The following CNTNAP4 variants were observed in gnomAD, a reference collection of about 807,000 sequenced individuals.
CNTNAP4 encodes contactin-associated protein-like 4.
Under a neutral mutation model 148.4 loss-of-function variants are expected in CNTNAP4, and 98 were observed. The ratio of observed to expected loss-of-function variants is 0.66; its 90% confidence interval spans 0.56 to 0.78. CNTNAP4 has a LOEUF of 0.78. Among genes scored for constraint, CNTNAP4 ranks in the 30% least tolerant of loss-of-function variants. The pLI is 0.00. For synonymous variants in CNTNAP4, 730 were observed against 565.1 expected, an observed-to-expected ratio of 1.29 and a Z score of -4.14; for missense variants, 1,935 against 1,565.6, an observed-to-expected ratio of 1.24 and a Z score of -3.98.
intron 14 of CNTNAP4, among the ~76,000 whole-genome samples, chr16:76,498,002 C>A (rs982902778): frequency 5.9e-5 from 9 of 152,030 alleles, no homozygotes; most frequent in African/African-American, 1.9e-4. Context: ...GAAAATTGTC[C>A]ATTGAATTAA....
intron 3 of CNTNAP4, among the ~76,000 whole-genome samples, chr16:76,394,551 A>G (rs1038817094): frequency 9.2e-5 from 14 of 152,218 alleles, no homozygotes; most frequent in African/African-American, 3.4e-4. Flanking sequence ...TGATGGGATT[A>G]TGAGTAGGCT....
intron 8 of CNTNAP4, among the ~76,000 whole-genome samples, chr16:76,460,490 G>C (rs1379192577): frequency 6.7e-6 from 1 of 149,958 alleles, no homozygotes; most frequent in Admixed American, 6.6e-5. Context: ...GGCCAGGCGC[G>C]GTGGCTCACG....
intron 3 of CNTNAP4, among the ~76,000 whole-genome samples, chr16:76,409,890 A>G (rs987346858): frequency 1.3e-5 from 2 of 151,912 alleles, no homozygotes; most frequent in Non-Finnish European, 2.9e-5. Flanking sequence ...TAATCACTAT[A>G]CAACACAACA....
chr16:76,472,675 G>T (rs1242306397), intron 10 of CNTNAP4, among the ~76,000 whole-genome samples: 2 of 152,122 alleles, frequency 1.3e-5, no homozygotes, highest in Non-Finnish European at 2.9e-5. Context: ...ATTTTAGGTT[G>T]ATTCCATCTC....
At chr16:76,516,192 G>A (rs1328735917) in intron 15 of CNTNAP4, among the ~76,000 whole-genome samples, 3 of 151,114 alleles carry the variant, frequency 2.0e-5, no homozygotes, top group Non-Finnish European at 4.4e-5. Context: ...AACATGTGGT[G>A]TTTGGTTTTC....
chr16:76,373,199 G>A (rs2015037951), intron 3 of CNTNAP4, among the ~76,000 whole-genome samples: 1 of 149,928 alleles, frequency 6.7e-6, no homozygotes, highest in Non-Finnish European at 1.5e-5. Flanking sequence ...ACATAAATAG[G>A]TGAATATATT....
At chr16:76,520,305 A>AT (rs1424586126) in intron 15 of CNTNAP4, among the ~76,000 whole-genome samples, 2 of 152,166 alleles carry the variant, frequency 1.3e-5, no homozygotes, top group East Asian at 3.9e-4. Context: ...ATGGTTCATA[A>AT]TATTTTTTCG....
At chr16:76,437,975 A>G (rs1221849721) in intron 4 of CNTNAP4, among the ~76,000 whole-genome samples, 1 of 152,174 alleles carries the variant, frequency 6.6e-6, no homozygotes, top group Non-Finnish European at 1.5e-5. Context: ...AGCCTGCTTC[A>G]GAGTTCTGAA....
intron 20 of CNTNAP4, among the ~76,000 whole-genome samples, chr16:76,540,464 G>A (rs1186797665): frequency 6.6e-6 from 1 of 151,740 alleles, no homozygotes; most frequent in Non-Finnish European, 1.5e-5. Context: ...GGGTGCACTG[G>A]CATCTGAGGG....
intron 12 of CNTNAP4, among the ~76,000 whole-genome samples, chr16:76,484,274 T>TAAAAAA (rs2081944387): frequency 4.1e-4 from 1 of 2,466 alleles, no homozygotes; most frequent in Non-Finnish European, 9.3e-4. Flanking sequence ...AGGAGAGAAA[T>TAAAAAA]GAAAAAAAAA....
rs565000118 is a variant in CNTNAP4, at chr16:76,304,113, C to G, written c.86-12300C>G. 5.9e-5 allele frequency among the ~76,000 whole-genome samples: 9 copies of G among 152,206 alleles called. No individual in the cohort carries two copies. In the East Asian group the frequency reaches 1.7e-3, roughly 29 times the overall value. Reference sequence around the variant, plus strand: ...CCAGGTACCAACTACTCTTTATCTGCTGACTCATTTAATTCTCAGAAATCC... The same window carrying G: ...CCAGGTACCAACTACTCTTTATCTGGTGACTCATTTAATTCTCAGAAATCC... On this transcript the variant is annotated intron_variant, in intron 1 of 23. Transcript: ENST00000611870.
At chr16:76,384,187 G>A (rs748392381) in intron 3 of CNTNAP4, among the ~76,000 whole-genome samples, 2 of 151,966 alleles carry the variant, frequency 1.3e-5, no homozygotes, top group African/African-American at 2.4e-5. Context: ...GGGATTACAG[G>A]CATGCACCAC....
intron 15 of CNTNAP4, among the ~76,000 whole-genome samples, chr16:76,519,663 G>A (rs566240078): frequency 1.2e-4 from 18 of 152,024 alleles, no homozygotes; most frequent in African/African-American, 3.9e-4. Context: ...CATTTATTTT[G>A]TCCTAGAGAT....
At chr16:76,487,925 G>A (rs1014564145) in intron 12 of CNTNAP4, among the ~76,000 whole-genome samples, 1 of 152,140 alleles carries the variant, frequency 6.6e-6, no homozygotes, top group Non-Finnish European at 1.5e-5. Flanking sequence ...GTCTCACTCA[G>A]TGTGATCCAG....
At chr16:76,482,450 TTTGAGA>T (rs2081871183) in intron 12 of CNTNAP4, among the ~76,000 whole-genome samples, 9 of 151,726 alleles carry the variant, frequency 5.9e-5, no homozygotes, top group Non-Finnish European at 1.0e-4. Context: ...TTTTTTTTAG[TTTGAGA>T]TGTCTGTTTT....
At chr16:76,539,049 A>C (rs1157095212) in intron 19 of CNTNAP4, among the ~76,000 whole-genome samples, 1 of 151,654 alleles carries the variant, frequency 6.6e-6, no homozygotes, top group Non-Finnish European at 1.5e-5. Flanking sequence ...TAAAAATAAG[A>C]TTGTTCGATA....
chr16:76,508,781 C>A (rs1311259314), intron 15 of CNTNAP4, among the ~76,000 whole-genome samples: 1 of 73,942 alleles, frequency 1.4e-5, no homozygotes, highest in East Asian at 7.9e-4. Flanking sequence ...GAGATGGAGT[C>A]TCACTGTGTC....
intron 3 of CNTNAP4, among the ~76,000 whole-genome samples, chr16:76,393,776 C>T (rs577166987): frequency 1.4e-4 from 22 of 152,082 alleles, no homozygotes; most frequent in African/African-American, 3.9e-4. Flanking sequence ...CTTCAGCCTG[C>T]GGTGCTATGA....
intron 21 of CNTNAP4, among the ~76,000 whole-genome samples, chr16:76,549,060 G>C (rs941325306): frequency 2.6e-5 from 4 of 152,088 alleles, no homozygotes; most frequent in African/African-American, 9.7e-5. Context: ...GTTGGTCCAG[G>C]CGGACAGGCA....
Sources: allele counts gnomAD v4.1 joint callset (sites outside exome capture counted in the v4.1 genomes callset), GRCh38; gene constraint gnomAD v4.1.1; transcripts MANE v1.5; gene names NCBI Gene and HGNC (gene_info 2026-07-23, HGNC 2026-07-21).